The following CDH1 variants were observed in gnomAD, a reference collection of about 807,000 sequenced individuals.
CDH1 encodes the protein cadherin 1.
Under a neutral mutation model 84.5 loss-of-function variants are expected in CDH1, and 35 were observed. The ratio of observed to expected loss-of-function variants is 0.41; its 90% CI spans 0.32 to 0.55. CDH1 has a LOEUF of 0.55. Ranked by LOEUF, CDH1 falls within the 20% of genes least tolerant of loss-of-function variation. The pLI, the probability that CDH1 is intolerant of heterozygous loss-of-function variation, is 0.19. For synonymous variants in CDH1, 417 were observed against 439.0 expected (o/e 0.95, Z 0.63); for missense variants, 994 against 1,126.6 (o/e 0.88, Z 1.68).
intron 2 of CDH1, among the ~76,000 whole-genome samples, chr16:68,781,960 G>T (rs1959893365): frequency 6.6e-6 from 1 of 152,176 alleles, no homozygotes; most frequent in African/African-American, 2.4e-5. Context: ...CAAGGAGGGG[G>T]TCAGAAAAAC....
intron 2 of CDH1, among the ~76,000 whole-genome samples, chr16:68,767,591 C>A (rs1447368447): frequency 6.6e-6 from 1 of 152,186 alleles, no homozygotes; most frequent in African/African-American, 2.4e-5. Flanking sequence ...AACAACATTT[C>A]TTTTTCAAGA....
intron 11 of CDH1, 148 bp from the exon 12 acceptor site, chr16:68,821,853 T>A: frequency 1.4e-6 from 1 of 699,298 alleles, no homozygotes; most frequent in South Asian, 1.6e-5. Flanking sequence ...CCTTTGGGAT[T>A]GGTGGGACAG....
Position 68,833,806 on chromosome 16 carries a change from A to G in CDH1, c.*307A>G, listed in dbSNP as rs932913773. On this transcript the variant is annotated 3_prime_UTR_variant, in exon 16 of 16. Transcript: ENST00000261769. ...GAACAACTTTAGCATCAGAAGGTTC[A>G]CCCAGCACCTTGCAGATTTTCTTAA... 3.3e-5 allele frequency: 14 copies of G among 427,404 alleles called. No homozygotes were observed. The highest frequency in any genetic ancestry group is 5.1e-5 in the Non-Finnish European group (12 of 234,426). 26.5% of individuals were successfully genotyped at this position (427,404 alleles called of 1,614,324 possible).
At chr16:68,753,788 A>G (rs1048962297) in intron 2 of CDH1, among the ~76,000 whole-genome samples, 4 of 152,218 alleles carry the variant, frequency 2.6e-5, no homozygotes, top group East Asian at 3.9e-4. Flanking sequence ...TAGCATAAGT[A>G]TGTCCCATGC....
At chr16:68,816,827 C>T (rs774434362) in intron 10 of CDH1, among the ~76,000 whole-genome samples, 1 of 152,202 alleles carries the variant, frequency 6.6e-6, no homozygotes, top group Non-Finnish European at 1.5e-5. Context: ...TTTCTACATG[C>T]TCCAAACTGT....
intron 2 of CDH1, among the ~76,000 whole-genome samples, chr16:68,769,180 T>G (rs1375305926): frequency 6.6e-6 from 1 of 152,208 alleles, no homozygotes; most frequent in Non-Finnish European, 1.5e-5. Context: ...CTCAGAATTC[T>G]GCCCAGCATA....
intron 2 of CDH1, among the ~76,000 whole-genome samples, chr16:68,752,042 C>T (rs1341908369): frequency 6.6e-6 from 1 of 151,536 alleles, no homozygotes; most frequent in Non-Finnish European, 1.5e-5. Context: ...ACCTCCGCCT[C>T]CCGGGTTCAA....
chr16:68,808,312 C>G, intron 3 of CDH1, 112 bp from the exon 4 acceptor site: 1 of 1,084,416 alleles, frequency 9.2e-7, no homozygotes, highest in Non-Finnish European at 1.4e-6. Flanking sequence ...TAAATTCAAA[C>G]TGTACACTGC....
At chr16:68,790,494 C>G (rs527783070) in intron 2 of CDH1, among the ~76,000 whole-genome samples, 1 of 152,082 alleles carries the variant, frequency 6.6e-6, no homozygotes, top group African/African-American at 2.4e-5. Flanking sequence ...TGTGTTGTTA[C>G]GCATGCAGCC....
intron 3 of CDH1, 126 bp downstream of exon 3, chr16:68,802,019 A>G: frequency 1.3e-6 from 1 of 796,796 alleles, no homozygotes; most frequent in South Asian, 1.5e-5. Flanking sequence ...TGTCCTGTGC[A>G]CTGTGTAGGA....
In CDH1 at chr16:68,801,810, G is replaced by A. The variant is rs368492235; in HGVS notation, c.304G>A (p.Ala102Thr). 1.5e-4 allele frequency: 240 copies of A among 1,614,174 alleles called. 3 individuals carry two copies. In the South Asian group the frequency reaches 2.0e-3, roughly 13 times the overall value. Reference sequence around the variant, plus strand: ...CCCACAGATCCATTTCTTGGTCTACGCCTGGGACTCCACCTACAGAAAGTT... The same window carrying A: ...CCCACAGATCCATTTCTTGGTCTACACCTGGGACTCCACCTACAGAAAGTT... ...HNPQIHFLVY[A>T]WDSTYRKFST... The change falls in exon 3 of 16, where the codon GCC becomes ACC. Residue 102 changes from alanine (A) to threonine (T), a missense_variant. Ala to Thr is a moderately conservative substitution (Grantham distance 58, BLOSUM62 0). This residue lies in a region of CDH1 where 203 missense variants were observed against 194.0 expected (regional missense o/e 1.05). Coordinates refer to ENST00000261769, the MANE Select transcript of CDH1 (RefSeq NM_004360.5).
rs1567516121 is a variant in CDH1, at chr16:68,829,724, C to T, written c.2366C>T (p.Pro789Leu). 2 of 1,614,054 alleles carry T rather than the reference C, an allele frequency of 1.2e-6. No individual in the cohort carries two copies. Among genetic ancestry groups the T allele is most frequent in the Non-Finnish European group, 1.7e-6 (2 of 1,179,970 alleles). ...RPEVTRNDVA[P>L]TLMSVPRYLP... ...GAAGTGACTCGTAACGACGTTGCAC[C>T]AACCCTCATGAGTGTCCCCCGGTAT... The change falls in exon 15 of 16, where the codon CCA (proline) becomes CTA (leucine). Residue 789 changes from proline (P) to leucine (L), a missense_variant. By Grantham distance (98) the Pro-to-Leu change is moderately conservative. Coordinates refer to ENST00000261769, the MANE Select transcript of CDH1 (RefSeq NM_004360.5).
intron 2 of CDH1, among the ~76,000 whole-genome samples, chr16:68,795,949 G>A (rs1960346393): frequency 6.6e-6 from 1 of 151,756 alleles, no homozygotes; most frequent in Admixed American, 6.6e-5. Context: ...GGATCACAAG[G>A]TCAGGAGTTC....
In CDH1 at chr16:68,758,207, C is replaced by CTTTTTTTTTT. The variant is rs57413297; in HGVS notation, c.163+19814_163+19823dup. The stretch of plus-strand genomic sequence containing the variant: ...GCCTAGGGTAGGCTTCTTTTTATTT[C>CTTTTTTTTTT]TTTTTTTTTTTTTTTTTTTTTTTTT... On this transcript the variant is annotated intron_variant, in intron 2 of 15. Coordinates refer to ENST00000261769, the MANE Select transcript of CDH1 (RefSeq NM_004360.5). Among the ~76,000 whole-genome samples, 57 of 40,050 alleles carry CTTTTTTTTTT rather than the reference C, an allele frequency of 1.4e-3. 5 individuals are homozygous for CTTTTTTTTTT. Among genetic ancestry groups the CTTTTTTTTTT allele is most frequent in the African/African-American group, 2.3e-3 (22 of 9,564 alleles). 26.3% of individuals were successfully genotyped at this position (40,050 alleles called of 152,430 possible).
intron 2 of CDH1, among the ~76,000 whole-genome samples, chr16:68,787,081 T>C (rs1456372990): frequency 6.6e-6 from 1 of 152,248 alleles, no homozygotes; most frequent in Non-Finnish European, 1.5e-5. Flanking sequence ...CAGCACATTT[T>C]GGTGTCAGCC....
rs537570089 is a variant in CDH1, at chr16:68,800,201, A to C, written c.164-1469A>C. Among the ~76,000 whole-genome samples, 9 of 151,924 alleles carry C rather than the reference A, an allele frequency of 5.9e-5. No homozygotes were observed. In the South Asian group the frequency reaches 8.4e-4, roughly 14 times the overall value. ...TGAAAATATTATTTAAAAAAAAAAAAACCAAGGCCTTAATAGGGTCTCTCC... is the reference window on the plus strand; with the variant it reads ...TGAAAATATTATTTAAAAAAAAAAACACCAAGGCCTTAATAGGGTCTCTCC... On this transcript the variant is annotated intron_variant, in intron 2 of 15. Transcript: ENST00000261769.
At chr16:68,796,773 AAG>A (rs1491347832) in intron 2 of CDH1, among the ~76,000 whole-genome samples, 1 of 151,948 alleles carries the variant, frequency 6.6e-6, no homozygotes, top group Admixed American at 6.6e-5. Context: ...TGAAAAAAAA[AAG>A]AATTCATTCT....
At chr16:68,757,767 CTCCT>C (rs58548890) in intron 2 of CDH1, among the ~76,000 whole-genome samples, 41,730 of 147,844 alleles carry the variant, frequency 0.28, 5,979 homozygotes, top group African/African-American at 0.3. Flanking sequence ...TTCTCTCTCT[CTCCT>C]TCCTTCCTTC....
chr16:68,738,927 A>T, intron 2 of CDH1, among the ~76,000 whole-genome samples: 1 of 67,044 alleles, frequency 1.5e-5, no homozygotes, highest in Non-Finnish European at 3.5e-5. Context: ...TTGTTTACAG[A>T]TATAAAAGCT....
Sources: allele counts gnomAD v4.1 joint callset (sites outside exome capture counted in the v4.1 genomes callset), GRCh38; gene constraint gnomAD v4.1.1; regional missense constraint gnomAD v4.1.1; transcripts MANE v1.5; gene names NCBI Gene and HGNC (gene_info 2026-07-23, HGNC 2026-07-21).